Variants in RARB observed in about 807,000 individuals in gnomAD.
RARB encodes retinoic acid receptor beta.
RARB carries 17 observed loss-of-function variants against 51.9 expected under a neutral mutation model. That is an observed-to-expected ratio of 0.33 (90% CI 0.22 to 0.49). RARB has a LOEUF of 0.49. RARB is among the 20% of genes least tolerant of loss of function. The pLI, the probability that RARB is intolerant of heterozygous loss-of-function variation, is 0.99. For synonymous variants in RARB, 215 were observed against 195.4 expected, an observed-to-expected ratio of 1.10 and a Z score of -0.84; for missense variants, 369 against 550.8, an observed-to-expected ratio of 0.67 and a Z score of 3.30.
intron 4 of RARB, among the ~76,000 whole-genome samples, chr3:25,140,084 G>A (rs1436940789): frequency 1.3e-5 from 2 of 149,728 alleles, no homozygotes; most frequent in Admixed American, 1.3e-4. Context: ...CAAGGACATG[G>A]TTTTTTTTTT....
intron 5 of RARB, among the ~76,000 whole-genome samples, chr3:25,322,451 T>C (rs1704598974): frequency 6.6e-6 from 1 of 152,200 alleles, no homozygotes; most frequent in South Asian, 2.1e-4. Context: ...TAAGTTCTGA[T>C]TTTCTTACTG....
intron 5 of RARB, among the ~76,000 whole-genome samples, chr3:25,324,957 A>T (rs775247142): frequency 2.2e-4 from 34 of 152,212 alleles, no homozygotes; most frequent in Non-Finnish European, 4.3e-4. Flanking sequence ...CATGCAAGAA[A>T]GAATTTAGGG....
At chr3:25,334,174 C>T (rs1051307723) in intron 5 of RARB, among the ~76,000 whole-genome samples, 5 of 152,178 alleles carry the variant, frequency 3.3e-5, no homozygotes, top group East Asian at 3.9e-4. Context: ...CATCCTATTA[C>T]TGGGTATATA....
At chr3:25,398,340 G>A (rs1707173929) in intron 5 of RARB, among the ~76,000 whole-genome samples, 1 of 152,092 alleles carries the variant, frequency 6.6e-6, no homozygotes, top group Non-Finnish European at 1.5e-5. Context: ...ATCGATAAAA[G>A]TTACACTACT....
At chr3:25,205,554 G>A (rs891138742) in intron 5 of RARB, among the ~76,000 whole-genome samples, 11 of 151,922 alleles carry the variant, frequency 7.2e-5, no homozygotes, top group Admixed American at 3.9e-4. Flanking sequence ...TTCGTATTCG[G>A]CCATCTTGGA....
chr3:25,138,175 C>T (rs2125335932), intron 4 of RARB, among the ~76,000 whole-genome samples: 1 of 152,120 alleles, frequency 6.6e-6, no homozygotes, highest in Non-Finnish European at 1.5e-5. Flanking sequence ...CTGGCGTGGC[C>T]CAATAGTCAC....
chr3:24,835,632 A>C (rs1702335292), intron 1 of RARB, among the ~76,000 whole-genome samples: 1 of 152,330 alleles, frequency 6.6e-6, no homozygotes, highest in African/African-American at 2.4e-5. Context: ...AACCAAAAGC[A>C]TGGGAGTGGC....
chr3:25,202,920 G>C (rs1372320851), intron 5 of RARB, among the ~76,000 whole-genome samples: 1 of 152,140 alleles, frequency 6.6e-6, no homozygotes, highest in East Asian at 1.9e-4. Flanking sequence ...TGTTGATTTG[G>C]GGTGGAGAGT....
intron 4 of RARB, among the ~76,000 whole-genome samples, chr3:25,160,160 C>T (rs1351262722): frequency 6.6e-6 from 1 of 152,178 alleles, no homozygotes; most frequent in African/African-American, 2.4e-5. Context: ...TGAAATAGCT[C>T]TATCATATAT....
intron 3 of RARB, among the ~76,000 whole-genome samples, chr3:25,065,038 G>GA (rs1698633919): frequency 6.6e-6 from 1 of 152,144 alleles, no homozygotes; most frequent in Admixed American, 6.6e-5. Context: ...TCCTGATGGA[G>GA]AAGGAAGTCA....
chr3:25,314,723 G>A (rs192382346), intron 5 of RARB, among the ~76,000 whole-genome samples: 4 of 152,040 alleles, frequency 2.6e-5, no homozygotes, highest in African/African-American at 7.2e-5. Context: ...AGACTCAGGT[G>A]GGTACATGTG....
intron 3 of RARB, among the ~76,000 whole-genome samples, chr3:25,119,302 G>T (rs1174930817): frequency 6.6e-6 from 1 of 152,054 alleles, no homozygotes; most frequent in African/African-American, 2.4e-5. Context: ...AGGAGAATAT[G>T]CTTTGAAATC....
intron 5 of RARB, among the ~76,000 whole-genome samples, chr3:25,416,067 C>T (rs754804961): frequency 6.6e-6 from 1 of 152,112 alleles, no homozygotes; most frequent in African/African-American, 2.4e-5. Context: ...TCAAAAAGAA[C>T]TGAAGAAAAA....
chr3:25,353,976 G>A (rs1466949855), intron 5 of RARB, among the ~76,000 whole-genome samples: 2 of 151,878 alleles, frequency 1.3e-5, no homozygotes, highest in African/African-American at 2.4e-5. Flanking sequence ...TTTTTCTGGG[G>A]GAGCACATTC....
At chr3:25,083,506 A>G (rs544856722) in intron 3 of RARB, among the ~76,000 whole-genome samples, 6 of 151,356 alleles carry the variant, frequency 4.0e-5, no homozygotes, top group African/African-American at 1.2e-4. Flanking sequence ...TATAGTTTGT[A>G]TTTGTCTGTT....
intron 5 of RARB, among the ~76,000 whole-genome samples, chr3:25,420,524 C>G (rs933248580): frequency 2.6e-5 from 4 of 152,216 alleles, no homozygotes; most frequent in Admixed American, 1.3e-4. Context: ...TGGCCAATGC[C>G]TTTGACCTTA....
intron 3 of RARB, among the ~76,000 whole-genome samples, chr3:25,098,207 C>T (rs1293734147): frequency 6.6e-6 from 1 of 152,048 alleles, no homozygotes; most frequent in East Asian, 1.9e-4. Flanking sequence ...TTGGTATTTA[C>T]AGGCAGGCAA....
intron 5 of RARB, among the ~76,000 whole-genome samples, chr3:25,328,595 C>T (rs978766299): frequency 6.6e-6 from 1 of 152,198 alleles, no homozygotes; most frequent in African/African-American, 2.4e-5. Flanking sequence ...CTCCAGTCTA[C>T]AGCTCCCAGC....
chr3:25,142,823 A>G (rs1262434272), intron 4 of RARB, among the ~76,000 whole-genome samples: 1 of 128,410 alleles, frequency 7.8e-6, no homozygotes, highest in East Asian at 1.9e-4. Flanking sequence ...CTCTGTGGTC[A>G]AGATGCGGGA....
Sources: allele counts gnomAD v4.1 joint callset (sites outside exome capture counted in the v4.1 genomes callset), GRCh38; gene constraint gnomAD v4.1.1; transcripts MANE v1.5; gene names NCBI Gene and HGNC (gene_info 2026-07-23, HGNC 2026-07-21).